Variants in SYN3 observed in about 807,000 individuals in gnomAD.
SYN3 encodes synapsin III.
A neutral mutation model predicts 65.8 loss-of-function variants in SYN3; 35 were observed. The observed-to-expected ratio is 0.53, with a 90% CI of 0.41 to 0.70. The LOEUF is 0.70. Among genes scored for constraint, SYN3 ranks in the 30% least tolerant of loss-of-function variants. SYN3 has a pLI of 0.00. For synonymous variants in SYN3, 270 were observed against 292.9 expected, an observed-to-expected ratio of 0.92 and a Z score of 0.80; for missense variants, 680 against 749.0, an observed-to-expected ratio of 0.91 and a Z score of 1.08.
At chr22:32,527,599 A>G in intron 12 of SYN3, 1 of 219,422 alleles carries the variant, frequency 4.6e-6, no homozygotes, top group Non-Finnish European at 8.6e-6. Flanking sequence ...ACTCTGTCTC[A>G]AAAGAAAAAA....
intron 4 of SYN3, among the ~76,000 whole-genome samples, chr22:32,913,467 AT>A (rs955770340): frequency 1.6e-3 from 232 of 144,390 alleles, no homozygotes; most frequent in Admixed American, 1.9e-3. Flanking sequence ...CAAGTCTATT[AT>A]TTTTTTTTTT....
intron 3 of SYN3, among the ~76,000 whole-genome samples, chr22:32,937,226 G>A: frequency 6.6e-6 from 1 of 152,140 alleles, no homozygotes; most frequent in Non-Finnish European, 1.5e-5. Flanking sequence ...AGGTTCTCAA[G>A]AATGTAGATG....
chr22:33,052,673 A>G (rs2054190065), intron 1 of SYN3, among the ~76,000 whole-genome samples: 2 of 152,232 alleles, frequency 1.3e-5, no homozygotes, highest in Admixed American at 1.3e-4. Flanking sequence ...AAATAGCTGA[A>G]GCAAGAGAAA....
intron 3 of SYN3, among the ~76,000 whole-genome samples, chr22:32,968,771 C>T (rs1176404758): frequency 6.6e-6 from 1 of 152,220 alleles, no homozygotes; most frequent in Non-Finnish European, 1.5e-5. Flanking sequence ...CAAGGTTAGA[C>T]AAATCTCTAC....
rs2060287632 is a variant in SYN3 at position 32,666,207 on chromosome 22, G to A, written c.712-69471C>T. 3.9e-5 allele frequency among the ~76,000 whole-genome samples: 6 copies of A among 152,108 alleles called. No homozygotes were observed. The South Asian group carries it at 1.2e-3, about 32-fold the overall frequency. On this transcript the variant is annotated intron_variant, in intron 6 of 13. Coordinates refer to ENST00000358763, the MANE Select transcript of SYN3 (RefSeq NM_003490.4). ...CATTATGCCAGTAATCTTTGAATTG[G>A]TCTCATTTTGGTCCTCATCTCTCTT...
intron 6 of SYN3, among the ~76,000 whole-genome samples, chr22:32,813,534 C>G (rs2046972405): frequency 7.1e-6 from 1 of 141,452 alleles, no homozygotes; most frequent in African/African-American, 2.6e-5. Context: ...CACACACACA[C>G]ACGTGGACCA....
At chr22:32,927,560 T>C (rs1311763948) in intron 4 of SYN3, among the ~76,000 whole-genome samples, 1 of 152,174 alleles carries the variant, frequency 6.6e-6, no homozygotes, top group Non-Finnish European at 1.5e-5. Context: ...ATGTTTACTT[T>C]CTTCCCTGAC....
At chr22:32,885,507 A>G (rs892887310) in intron 4 of SYN3, among the ~76,000 whole-genome samples, 1 of 151,804 alleles carries the variant, frequency 6.6e-6, no homozygotes, top group African/African-American at 2.4e-5. Context: ...GATGTTCCAG[A>G]ATCCTCCCGG....
intron 12 of SYN3, among the ~76,000 whole-genome samples, chr22:32,527,093 A>C (rs1367307897): frequency 1.3e-5 from 2 of 152,212 alleles, no homozygotes; most frequent in African/African-American, 4.8e-5. Context: ...AAGTGGTGGA[A>C]TGTAGTAATG....
intron 7 of SYN3, among the ~76,000 whole-genome samples, chr22:32,596,049 C>T (rs62232740): frequency 0.2 from 30,021 of 152,112 alleles, 3,116 homozygotes; most frequent in Middle Eastern, 0.28. Flanking sequence ...TGCACACCAG[C>T]CTGGGTGACA....
rs73405263 is a variant in SYN3, at chr22:32,920,630, A to G, written c.461+10760T>C. Among the ~76,000 whole-genome samples the G allele has an allele frequency of 7.7e-3, 1,174 of 152,288 alleles. 21 individuals carry two copies. Among genetic ancestry groups the G allele is most frequent in the African/African-American group, 0.027 (1,138 of 41,566 alleles). ...AAGCACTCCTAGAATCTGACCTTGT[A>G]AGCAGGGACCTGGTCTATTTTGTCC... is the stretch of plus-strand genomic sequence containing the variant. On this transcript the variant is annotated intron_variant, in intron 4 of 13. Coordinates refer to ENST00000358763, the MANE Select transcript of SYN3 (RefSeq NM_003490.4).
At chr22:32,649,906 T>A (rs2060037456) in intron 6 of SYN3, among the ~76,000 whole-genome samples, 1 of 152,258 alleles carries the variant, frequency 6.6e-6, no homozygotes, top group East Asian at 1.9e-4. Context: ...AGTGTCTCAC[T>A]GGGCCTTGTG....
intron 7 of SYN3, among the ~76,000 whole-genome samples, chr22:32,582,852 G>A (rs543256200): frequency 1.3e-5 from 2 of 152,314 alleles, no homozygotes; most frequent in African/African-American, 4.8e-5. Flanking sequence ...ATCTGTTAGA[G>A]TGGCCAGGGG....
intron 6 of SYN3, among the ~76,000 whole-genome samples, chr22:32,650,720 C>G (rs1277653109): frequency 6.6e-6 from 1 of 152,168 alleles, no homozygotes. Context: ...AGGGTTGGAA[C>G]TCTAATTTGA....
intron 6 of SYN3, among the ~76,000 whole-genome samples, chr22:32,603,840 G>A (rs9619275): frequency 0.042 from 6,432 of 152,296 alleles, 448 homozygotes; most frequent in African/African-American, 0.14. Flanking sequence ...CCGCTCACAT[G>A]CCCTGGGCAC....
intron 2 of SYN3, among the ~76,000 whole-genome samples, chr22:32,993,566 G>T (rs1051123856): frequency 6.6e-6 from 1 of 152,134 alleles, no homozygotes; most frequent in Non-Finnish European, 1.5e-5. Flanking sequence ...GGCTGGTCTC[G>T]AACTCCTAAC....
chr22:32,758,705 T>TA (rs1277216646), intron 6 of SYN3, among the ~76,000 whole-genome samples: 44 of 109,616 alleles, frequency 4.0e-4, no homozygotes, highest in Non-Finnish European at 6.2e-4. Flanking sequence ...TATATATGTC[T>TA]TATTAGTTCT....
At chr22:32,786,697 G>T (rs994527743) in intron 6 of SYN3, among the ~76,000 whole-genome samples, 3 of 152,174 alleles carry the variant, frequency 2.0e-5, no homozygotes. Flanking sequence ...AAGGAGGGGG[G>T]ATTTAATAAT....
At position 32,512,954 on chromosome 22, in the gene SYN3, C is replaced by T. The variant is rs1249051444; in HGVS notation, c.*738G>A. 6.6e-6 allele frequency: 1 copy of T among 152,222 alleles called. No individual in the cohort carries two copies. The highest frequency in any genetic ancestry group is 1.5e-5 in the Non-Finnish European group (1 of 68,036). The allele number at this position is 152,222 out of a possible 1,614,324, so 9.4% of individuals were successfully genotyped here. On this transcript the variant is annotated 3_prime_UTR_variant, in exon 14 of 14. Coordinates refer to ENST00000358763, the MANE Select transcript of SYN3 (RefSeq NM_003490.4). The stretch of plus-strand genomic sequence containing the variant: ...CTTTGTAAACTAGTCTTTATTCCTA[C>T]AATAACCTGTGATCTGCCCTTGGCT...
Sources: allele counts gnomAD v4.1 joint callset (sites outside exome capture counted in the v4.1 genomes callset), GRCh38; gene constraint gnomAD v4.1.1; transcripts MANE v1.5; gene names NCBI Gene and HGNC (gene_info 2026-07-23, HGNC 2026-07-21).